SLC8A2: variants seen among roughly 807,000 people sequenced by gnomAD.
The protein encoded by SLC8A2 is sodium/calcium exchanger 2.
Under a neutral mutation model 70.2 loss-of-function variants are expected in SLC8A2, and 14 were observed. That is an observed-to-expected ratio of 0.20 (90% CI 0.13 to 0.31). The LOEUF is 0.31. Ranked by LOEUF, SLC8A2 falls within the 10% of genes least tolerant of loss-of-function variation. The probability of loss-of-function intolerance (pLI) is 1.00; values close to 1 mark genes in which losing one functional copy is unlikely to be tolerated. For missense variants in SLC8A2, 779 were observed against 1,320.1 expected, an observed-to-expected ratio of 0.59 and a Z score of 6.35; for synonymous variants, 575 against 594.3, an observed-to-expected ratio of 0.97 and a Z score of 0.47.
chr19:47,446,855 A>G (rs1967169155), intron 4 of SLC8A2, among the ~76,000 whole-genome samples: 1 of 143,226 alleles, frequency 7.0e-6, no homozygotes, highest in South Asian at 2.2e-4. Flanking sequence ...GTGTGTGTCT[A>G]TGTGTGTGTG....
chr19:47,436,045 T>C (rs1299127618), intron 8 of SLC8A2, among the ~76,000 whole-genome samples: 1 of 152,116 alleles, frequency 6.6e-6, no homozygotes, highest in Non-Finnish European at 1.5e-5. Context: ...CTGGTACCTC[T>C]TCCTCCCGCC....
At chr19:47,438,423 C>T (rs1335760477) in intron 6 of SLC8A2, among the ~76,000 whole-genome samples, 1 of 152,092 alleles carries the variant, frequency 6.6e-6, no homozygotes, top group Admixed American at 6.6e-5. Flanking sequence ...TCATCGTTGC[C>T]ACCCTGATAG....
Position 47,465,192 on chromosome 19 carries a change from G to A in SLC8A2, c.675+537C>T, listed in dbSNP as rs1967442429. ...AGCCCATGGATAAATTATGCAAATT[G>A]CACTAAGTTACTCAAGCCAATTAGC... On this transcript the variant is annotated intron_variant, in intron 2 of 9. Coordinates refer to ENST00000236877, the MANE Select transcript of SLC8A2 (RefSeq NM_015063.3). This position sits in a 1 kb window ranked among gnomAD's most constrained non-coding sequence, Gnocchi z 5.5. Among the ~76,000 whole-genome samples the A allele has an allele frequency of 6.6e-6, 1 of 152,200 alleles. No homozygotes were observed.
intron 8 of SLC8A2, among the ~76,000 whole-genome samples, chr19:47,434,380 C>G (rs1967000728): frequency 6.6e-6 from 1 of 152,210 alleles, no homozygotes; most frequent in Non-Finnish European, 1.5e-5. Flanking sequence ...GCCTGTCACT[C>G]TGAAGTCACC....
At chr19:47,461,354 C>T (rs1320100314) in intron 2 of SLC8A2, among the ~76,000 whole-genome samples, 1 of 151,952 alleles carries the variant, frequency 6.6e-6, no homozygotes, top group African/African-American at 2.4e-5. Context: ...ACTAAAAATA[C>T]AAAAATCAGC....
chr19:47,428,557 C>A lies in SLC8A2; in HGVS notation c.*1532G>T, dbSNP rs2280691. 0.17 allele frequency: 26,355 copies of A among 152,306 alleles called. 4,356 individuals are homozygous for A. The highest frequency in any genetic ancestry group is 0.43 in the African/African-American group (17,749 of 41,298). The allele number at this position is 152,306 out of a possible 1,614,324, so 9.4% of individuals were successfully genotyped here. Reference sequence around the variant, plus strand: ...TATGTGGGTGTGTCCCGCAGACGACCGCGGGCCGCAAAAACCCAGATTACT... The same window carrying A: ...TATGTGGGTGTGTCCCGCAGACGACAGCGGGCCGCAAAAACCCAGATTACT... On this transcript the variant is annotated 3_prime_UTR_variant, in exon 10 of 10. Transcript: ENST00000236877.
chr19:47,457,171 C>G lies in SLC8A2; in HGVS notation c.1099G>C (p.Val367Leu). The G allele has an allele frequency of 6.5e-7, 1 of 1,544,524 alleles. No homozygotes were observed. The highest frequency in any genetic ancestry group is 8.7e-7 in the Non-Finnish European group (1 of 1,145,072). The change falls in exon 3 of 10, where the codon GTG becomes CTG. Residue 367 changes from valine to leucine, a missense_variant. Coordinates refer to ENST00000236877, the MANE Select transcript of SLC8A2 (RefSeq NM_015063.3). ...ATRLMTGAGN[V>L]LRRHAADASR... ...GCGTCCGCCGCGTGTCTGCGCAGCA[C>G]GTTCCCGGCGCCGGTCATCAGCCGC...
intron 6 of SLC8A2, among the ~76,000 whole-genome samples, 196 bp downstream of exon 6, chr19:47,440,973 T>A (rs1490252163): frequency 6.6e-6 from 1 of 152,128 alleles, no homozygotes; most frequent in Non-Finnish European, 1.5e-5. Flanking sequence ...AAATGCTAAC[T>A]GTAATCCCAA....
intron 7 of SLC8A2, 103 bp downstream of exon 7, chr19:47,437,745 TC>T (rs1967048759): frequency 7.0e-7 from 1 of 1,428,182 alleles, no homozygotes; most frequent in African/African-American, 1.4e-5. Context: ...GTGGGACCCT[TC>T]TTTGGCTTGA....
In SLC8A2 at chr19:47,437,520, C is replaced by G. The variant is rs139878776; in HGVS notation, c.2052G>C (p.Leu684Phe). The change falls in exon 8 of 10, where the codon TTG becomes TTC. Residue 684 changes from leucine (L) to phenylalanine (F), a missense_variant. Around this residue, in one of 6 missense-constraint regions of SLC8A2, gnomAD observed 247 missense variants for 362.8 expected, o/e 0.68. Transcript: ENST00000236877. Reference protein sequence around the residue: ...DKLIKKTNLALVIGTHSWREQ... With the variant: ...DKLIKKTNLAFVIGTHSWREQ... ...CCCTCCATGAATGGGTCCCAATTAC[C>G]AAGGCCAAGTTCGTTTTCTTGATGA... 8.7e-6 allele frequency: 14 copies of G among 1,613,848 alleles called. No individual in the cohort carries two copies. The African/African-American group carries it at 1.5e-4, about 17-fold the overall frequency.
At chr19:47,444,362 G>A (rs1967133883) in intron 4 of SLC8A2, among the ~76,000 whole-genome samples, 1 of 152,164 alleles carries the variant, frequency 6.6e-6, no homozygotes. Flanking sequence ...ACCCGCGCAA[G>A]GACAGGCGCA....
At chr19:47,452,397 G>GGAGAGAGAGAGA (rs56184564) in intron 3 of SLC8A2, among the ~76,000 whole-genome samples, 20 of 65,496 alleles carry the variant, frequency 3.1e-4, no homozygotes, top group Admixed American at 9.7e-4. Flanking sequence ...ATATATATAT[G>GGAGAGAGAGAGA]GAGAGAGAGA....
intron 8 of SLC8A2, among the ~76,000 whole-genome samples, chr19:47,436,743 C>A (rs533384859): frequency 6.6e-6 from 1 of 152,290 alleles, no homozygotes; most frequent in Non-Finnish European, 1.5e-5. Flanking sequence ...CAGTCCATAT[C>A]ACAAAGGGCC....
At position 47,437,838 on chromosome 19, in the gene SLC8A2, C is replaced by T. The variant is rs374608380; in HGVS notation, c.2010+11G>A. ...GCTGGACTCCAGGAAGGTGAGGCCC[C>T]GGAAAATCACCTTAAAATCATATGA... On this transcript the variant is annotated intron_variant, in intron 7 of 9. Transcript: ENST00000236877. 72 of 1,613,898 alleles carry T rather than the reference C, an allele frequency of 4.5e-5. No individual in the cohort carries two copies. Among genetic ancestry groups the T allele is most frequent in the East Asian group, 2.2e-4 (10 of 44,888 alleles).
rs532625898 is a variant in SLC8A2, at chr19:47,466,950, G to A, written c.-16-531C>T. Among the ~76,000 whole-genome samples, 3 of 152,224 alleles carry A rather than the reference G, an allele frequency of 2.0e-5. No individual in the cohort carries two copies. Among genetic ancestry groups the A allele is most frequent in the South Asian group, 2.1e-4 (1 of 4,826 alleles). On this transcript the variant is annotated intron_variant, in intron 1 of 9. Coordinates refer to ENST00000236877, the MANE Select transcript of SLC8A2 (RefSeq NM_015063.3). The surrounding 1 kb of genome is among the most constrained non-coding windows in gnomAD (Gnocchi z 6.9). ...CGGGAGCCTGTAACCCCAGCTACTC[G>A]GGAGGCTGAGGCAGGAGAATCACTT...
In SLC8A2 at chr19:47,437,969, A is replaced by G; in HGVS notation, c.1890T>C (p.Asp630=). Residue 630 remains aspartate (D), a synonymous_variant, in exon 7 of 10, where the codon GAT becomes GAC. Transcript: ENST00000236877. ...GISALLLNQG[D]GDRKLTAEEE... ...CCTCGGCTGTTAGCTTCCTGTCCCC[A>G]TCCCCTGCAGCATGAGGGGTGGGGG... The G allele has an allele frequency of 1.9e-6, 3 of 1,613,800 alleles. No individual in the cohort carries two copies. The highest frequency in any genetic ancestry group is 2.5e-6 in the Non-Finnish European group (3 of 1,179,936).
intron 3 of SLC8A2, among the ~76,000 whole-genome samples, chr19:47,449,673 T>A (rs566531840): frequency 6.6e-6 from 1 of 152,272 alleles, no homozygotes; most frequent in South Asian, 2.1e-4. Context: ...TGCTCTGACC[T>A]GGGACTGGAC....
rs556727310 is a variant in SLC8A2, at chr19:47,447,595, A to C, written c.1763+214T>G. On this transcript the variant is annotated intron_variant, in intron 4 of 9. Transcript: ENST00000236877. This position sits in a 1 kb window ranked among gnomAD's most constrained non-coding sequence, Gnocchi z 5.1. ...CAGGCCCCTCTCCTCCTGAGGGCCC[A>C]GCTGTTCAGTGAAGCCCCGCCCACG... The C allele has an allele frequency of 7.5e-6, 4 of 534,726 alleles. No individual in the cohort carries two copies. In the South Asian group the frequency reaches 9.1e-5, roughly 12 times the overall value. 33.1% of individuals were successfully genotyped at this position (534,726 alleles called of 1,614,324 possible). A position where few individuals can be genotyped will look rare whatever the true frequency, so the allele number is the denominator to read the frequency against.
chr19:47,457,747 TTTC>T (rs1374428680), intron 2 of SLC8A2, among the ~76,000 whole-genome samples, 153 bp from the exon 3 acceptor site: 34 of 149,926 alleles, frequency 2.3e-4, no homozygotes, highest in Admixed American at 8.1e-4. Flanking sequence ...TTCTGTTTCT[TTTC>T]TTTCTTTCTT....
Sources: gnomAD v4.1 joint callset for allele counts (sites outside exome capture counted in the v4.1 genomes callset) on GRCh38, gnomAD v4.1.1 for gene constraint, gnomAD v4.1.1 regional missense constraint, Gnocchi (gnomAD v3.1) non-coding constraint, MANE v1.5 for transcripts, NCBI Gene and HGNC (gene_info 2026-07-23, HGNC 2026-07-21) for gene names.